PPIG: variants seen among roughly 807,000 people sequenced by gnomAD.
PPIG encodes peptidylprolyl isomerase G, also known as peptidyl-prolyl cis-trans isomerase G.
A neutral mutation model predicts 87.9 loss-of-function variants in PPIG; 26 were observed. The ratio of observed to expected loss-of-function variants is 0.30; its 90% CI spans 0.22 to 0.41. The LOEUF is 0.41. Ranked by LOEUF, PPIG falls within the 10% of genes least tolerant of loss-of-function variation. The probability of loss-of-function intolerance (pLI) is 1.00; values close to 1 mark genes in which losing one functional copy is unlikely to be tolerated. For synonymous variants in PPIG, 308 were observed against 276.5 expected (o/e 1.11, Z -1.13); for missense variants, 722 against 879.4 (o/e 0.82, Z 2.26).
intron 9 of PPIG, among the ~76,000 whole-genome samples, chr2:169,615,054 G>A (rs1359500890): frequency 6.6e-6 from 1 of 151,268 alleles, no homozygotes; most frequent in Non-Finnish European, 1.5e-5. Flanking sequence ...TTTGTTGTTT[G>A]TTTGTTTGTT....
At chr2:169,618,325 G>A (rs1299223843) in intron 9 of PPIG, among the ~76,000 whole-genome samples, 1 of 152,040 alleles carries the variant, frequency 6.6e-6, no homozygotes, top group African/African-American at 2.4e-5. Flanking sequence ...TTTTTTTGTT[G>A]TGTCTCTGCC....
intron 12 of PPIG, 62 bp downstream of exon 12, chr2:169,633,309 A>T: frequency 7.8e-7 from 1 of 1,281,830 alleles, no homozygotes; most frequent in Non-Finnish European, 1.1e-6. Flanking sequence ...AAATAATTTT[A>T]GGGTGTTTCT....
intron 7 of PPIG, 52 bp downstream of exon 7, chr2:169,608,810 C>T (rs373535527): frequency 1.9e-5 from 25 of 1,329,280 alleles, no homozygotes; most frequent in Middle Eastern, 2.6e-4. Flanking sequence ...GGGCCGGGCA[C>T]GGTGGCTCAT....
chr2:169,590,215 C>G (rs1684824682), intron 1 of PPIG, among the ~76,000 whole-genome samples: 1 of 151,910 alleles, frequency 6.6e-6, no homozygotes, highest in African/African-American at 2.4e-5. Flanking sequence ...GAGTCTAGTT[C>G]TGTTCATGCC....
rs770952957 is a variant in PPIG at position 169,606,035 on chromosome 2, A to G, written c.137-4A>G. ...TTAAATGTCCTATTTTTTTATCTCT[A>G]TAGGTGAAAAGGGGACCGGGAAATC... On this transcript the variant is annotated splice_region_variant and splice_polypyrimidine_tract_variant and intron_variant, in intron 4 of 13. Coordinates refer to ENST00000260970, the MANE Select transcript of PPIG (RefSeq NM_004792.3). 6.9e-6 allele frequency: 11 copies of G among 1,591,446 alleles called. No homozygotes were observed. The highest frequency in any genetic ancestry group is 9.5e-6 in the Non-Finnish European group (11 of 1,160,368).
At chr2:169,598,990 C>T (rs567116051) in intron 1 of PPIG, among the ~76,000 whole-genome samples, 1 of 151,774 alleles carries the variant, frequency 6.6e-6, no homozygotes, top group African/African-American at 2.4e-5. Flanking sequence ...CAGCCTTTTA[C>T]TACTACAAAT....
At chr2:169,607,020 A>G in intron 5 of PPIG, 84 bp from the exon 6 acceptor site, 1 of 852,314 alleles carries the variant, frequency 1.2e-6, no homozygotes, top group South Asian at 1.6e-5. Context: ...TTATTCAAAA[A>G]TCTACTTTAC....
At chr2:169,600,681 A>G (rs1285671925) in intron 1 of PPIG, among the ~76,000 whole-genome samples, 2 of 152,236 alleles carry the variant, frequency 1.3e-5, no homozygotes, top group South Asian at 2.1e-4. Context: ...CAAAAATAAG[A>G]AAAAAGAAAA....
At chr2:169,612,942 A>G (rs556018992) in intron 7 of PPIG, among the ~76,000 whole-genome samples, 3 of 152,282 alleles carry the variant, frequency 2.0e-5, no homozygotes, top group African/African-American at 4.8e-5. Context: ...GCACCATTCT[A>G]CATTCCCGTT....
rs763935132 is a variant in PPIG at position 169,637,123 on chromosome 2, G to A, written c.1865G>A (p.Arg622Lys). 4.3e-6 allele frequency: 7 copies of A among 1,612,254 alleles called. No individual in the cohort carries two copies. The highest frequency in any genetic ancestry group is 3.4e-5 in the Admixed American group (2 of 59,694). The part of the protein sequence containing the change: ...PPGRSRSKDR[R>K]RRRRDSRSSE... ...GGAAGATCAAGAAGTAAAGATAGGA[G>A]GAGAAGGAGGAGAGACTCACGGAGC... The change falls in exon 14 of 14, where the codon AGG (arginine) becomes AAG (lysine). Residue 622 changes from arginine to lysine, a missense_variant. Transcript: ENST00000260970.
chr2:169,591,920 A>ATTTTT (rs3067016), intron 1 of PPIG, among the ~76,000 whole-genome samples: 92 of 87,404 alleles, frequency 1.1e-3, no homozygotes, highest in East Asian at 2.0e-3. Flanking sequence ...GCAATTCATG[A>ATTTTT]TTTTTTTTTT....
At chr2:169,602,535 C>T (rs905913293) in intron 1 of PPIG, among the ~76,000 whole-genome samples, 1 of 152,104 alleles carries the variant, frequency 6.6e-6, no homozygotes, top group African/African-American at 2.4e-5. Flanking sequence ...AGGCTGGTCT[C>T]GAACTCCTGA....
intron 12 of PPIG, 69 bp downstream of exon 12, chr2:169,633,316 T>A: frequency 8.3e-7 from 1 of 1,203,944 alleles, no homozygotes; most frequent in Non-Finnish European, 1.2e-6. Context: ...TTTAGGGTGT[T>A]TCTTAAATAT....
chr2:169,610,516 A>G (rs1353064065), intron 7 of PPIG, among the ~76,000 whole-genome samples: 1 of 151,876 alleles, frequency 6.6e-6, no homozygotes, highest in Non-Finnish European at 1.5e-5. Context: ...ATGAAATAGT[A>G]ACATTTCCAA....
At chr2:169,629,040 C>T (rs1685971196) in intron 9 of PPIG, among the ~76,000 whole-genome samples, 1 of 150,796 alleles carries the variant, frequency 6.6e-6, no homozygotes, top group Non-Finnish European at 1.5e-5. Flanking sequence ...AAGGAAAGGT[C>T]ACAAATCAGC....
intron 7 of PPIG, among the ~76,000 whole-genome samples, chr2:169,613,356 C>G (rs1018542756): frequency 6.6e-5 from 10 of 152,112 alleles, no homozygotes. Flanking sequence ...ATTGTACATG[C>G]TTTCACCAAA....
At chr2:169,599,335 T>G (rs896921920) in intron 1 of PPIG, among the ~76,000 whole-genome samples, 3 of 152,212 alleles carry the variant, frequency 2.0e-5, no homozygotes, top group Non-Finnish European at 4.4e-5. Flanking sequence ...TACAATTATC[T>G]TTTTTCATGT....
At chr2:169,608,834 G>A (rs1685407264) in intron 7 of PPIG, 76 bp downstream of exon 7, 1 of 1,004,660 alleles carries the variant, frequency 1.0e-6, no homozygotes. Flanking sequence ...TGTAATCCCA[G>A]GACTTTGGGA....
chr2:169,596,998 A>G (rs1467209288), intron 1 of PPIG, among the ~76,000 whole-genome samples: 1 of 151,640 alleles, frequency 6.6e-6, no homozygotes, highest in East Asian at 2.0e-4. Flanking sequence ...CACCACACCC[A>G]GCCCACATAT....
Sources: allele counts gnomAD v4.1 joint callset (sites outside exome capture counted in the v4.1 genomes callset), GRCh38; gene constraint gnomAD v4.1.1; transcripts MANE v1.5; gene names NCBI Gene and HGNC (gene_info 2026-07-23, HGNC 2026-07-21).